The following RGS6 variants were observed in gnomAD, a reference collection of about 807,000 sequenced individuals.
RGS6 encodes the protein regulator of G protein signaling 6.
In RGS6, 30 loss-of-function variants were observed where a neutral mutation model predicts 78.5. The ratio of observed to expected loss-of-function variants is 0.38; its 90% CI spans 0.29 to 0.52. RGS6 has a LOEUF of 0.52. RGS6 is among the 20% of genes least tolerant of loss of function. The probability of loss-of-function intolerance (pLI) is 0.85; values close to 1 mark genes in which losing one functional copy is unlikely to be tolerated. For synonymous variants in RGS6, 206 were observed against 206.0 expected (o/e 1.00, Z 0.00); for missense variants, 495 against 609.7 (o/e 0.81, Z 1.98).
At chr14:72,419,401 G>A (rs2094033699) in intron 3 of RGS6, among the ~76,000 whole-genome samples, 1 of 152,244 alleles carries the variant, frequency 6.6e-6, no homozygotes, top group African/African-American at 2.4e-5. Context: ...TAGCTGGGAA[G>A]TGGCAGAGCC....
chr14:72,282,357 T>C (rs2061723837), intron 2 of RGS6, among the ~76,000 whole-genome samples: 1 of 152,224 alleles, frequency 6.6e-6, no homozygotes, highest in Non-Finnish European at 1.5e-5. Flanking sequence ...GCTACACTTT[T>C]CAGGTAACAG....
chr14:71,947,164 T>C (rs1161268322), intron 1 of RGS6, among the ~76,000 whole-genome samples: 1 of 152,164 alleles, frequency 6.6e-6, no homozygotes, highest in Non-Finnish European at 1.5e-5. Flanking sequence ...ATACAAATGT[T>C]CAATGCCTTT....
At chr14:72,545,010 A>G (rs1208279729) in intron 17 of RGS6, among the ~76,000 whole-genome samples, 3 of 152,218 alleles carry the variant, frequency 2.0e-5, no homozygotes, top group Non-Finnish European at 4.4e-5. Flanking sequence ...CTCCTCCTCA[A>G]GGTTTCATGG....
At chr14:72,092,981 A>T (rs2153505750) in intron 2 of RGS6, among the ~76,000 whole-genome samples, 1 of 152,122 alleles carries the variant, frequency 6.6e-6, no homozygotes, top group African/African-American at 2.4e-5. Context: ...CCTCCACAGC[A>T]ATTTCTTAGA....
intron 2 of RGS6, among the ~76,000 whole-genome samples, chr14:72,093,916 C>T (rs1452420887): frequency 2.0e-5 from 3 of 151,964 alleles, no homozygotes; most frequent in African/African-American, 4.8e-5. Context: ...GTAAACAGAA[C>T]AGAAATAATC....
intron 2 of RGS6, among the ~76,000 whole-genome samples, chr14:72,092,074 G>A (rs771047854): frequency 1.3e-5 from 2 of 152,112 alleles, no homozygotes; most frequent in African/African-American, 4.8e-5. Flanking sequence ...TGCCCAGGCT[G>A]GAGTGTGAAG....
intron 3 of RGS6, among the ~76,000 whole-genome samples, chr14:72,428,059 G>A (rs1271364337): frequency 2.0e-5 from 3 of 152,182 alleles, no homozygotes; most frequent in African/African-American, 7.2e-5. Context: ...GCGGTAAAGG[G>A]ATCCTTAGCT....
upstream of RGS6, among the ~76,000 whole-genome samples, chr14:71,929,530 C>T (rs36331): frequency 0.08 from 12,178 of 152,102 alleles, 508 homozygotes; most frequent in Non-Finnish European, 0.091. Context: ...TAAGATGATA[C>T]CTCCCAAGTA....
chr14:72,309,320 C>G (rs2068003179), intron 2 of RGS6, among the ~76,000 whole-genome samples: 1 of 152,204 alleles, frequency 6.6e-6, no homozygotes, highest in African/African-American at 2.4e-5. Context: ...TGTATCCAGA[C>G]CAGGAAACAT....
intron 16 of RGS6, among the ~76,000 whole-genome samples, chr14:72,539,158 C>T (rs1031267699): frequency 3.9e-5 from 6 of 152,334 alleles, no homozygotes; most frequent in Middle Eastern, 6.8e-3. Flanking sequence ...GCACCCCACA[C>T]CTCTCTTCCT....
intron 2 of RGS6, among the ~76,000 whole-genome samples, chr14:72,347,971 G>T (rs981381237): frequency 6.6e-6 from 1 of 152,198 alleles, no homozygotes; most frequent in African/African-American, 2.4e-5. Flanking sequence ...GATTTAATGG[G>T]TTGTATAGTG....
intron 15 of RGS6, among the ~76,000 whole-genome samples, chr14:72,524,027 G>T (rs751081340): frequency 1.3e-5 from 2 of 152,076 alleles, no homozygotes; most frequent in African/African-American, 2.4e-5. Context: ...GGATTTCAGA[G>T]AAATCAGATG....
intron 3 of RGS6, among the ~76,000 whole-genome samples, chr14:72,453,151 G>A (rs1329331644): frequency 1.3e-5 from 2 of 152,158 alleles, no homozygotes; most frequent in Non-Finnish European, 2.9e-5. Flanking sequence ...TCAGAGAGGG[G>A]CAAGTTTCTG....
the RGS6 span, among the ~76,000 whole-genome samples, chr14:71,891,482 G>C: frequency 1.6e-3 from 245 of 152,274 alleles, no homozygotes; most frequent in African/African-American, 5.8e-3. Flanking sequence ...GGTCCAGCAG[G>C]TGGTATCCTG....
intron 13 of RGS6, among the ~76,000 whole-genome samples, chr14:72,501,013 G>A (rs539668376): frequency 6.6e-6 from 1 of 152,260 alleles, no homozygotes; most frequent in South Asian, 2.1e-4. Flanking sequence ...CATGAGAGGA[G>A]GGGTTTGGTG....
chr14:71,910,689 G>A, the RGS6 span, among the ~76,000 whole-genome samples: 5 of 152,346 alleles, frequency 3.3e-5, no homozygotes, highest in African/African-American at 9.6e-5. Context: ...GAGAGGGGCA[G>A]ATTTGAGAGG....
intron 2 of RGS6, among the ~76,000 whole-genome samples, chr14:72,011,255 C>T (rs1167140610): frequency 6.6e-6 from 1 of 151,996 alleles, no homozygotes; most frequent in Non-Finnish European, 1.5e-5. Context: ...ATTGTTTTTT[C>T]TTGTGTCAGA....
intron 2 of RGS6, among the ~76,000 whole-genome samples, chr14:72,238,906 C>T (rs1187431648): frequency 1.3e-5 from 2 of 152,160 alleles, no homozygotes; most frequent in Non-Finnish European, 2.9e-5. Context: ...GTTTAGGCAG[C>T]CCGGTTGTTA....
At chr14:72,495,025 G>A in intron 12 of RGS6, 127 bp from the exon 13 acceptor site, 1 of 632,456 alleles carries the variant, frequency 1.6e-6, no homozygotes, top group East Asian at 2.7e-5. Context: ...TCAGAAGTGG[G>A]AGCGGAAATA....
Sources: gnomAD v4.1 joint callset for allele counts (sites outside exome capture counted in the v4.1 genomes callset) on GRCh38, gnomAD v4.1.1 for gene constraint, MANE v1.5 for transcripts, NCBI Gene and HGNC (gene_info 2026-07-23, HGNC 2026-07-21) for gene names.